MYO15B: variants seen among roughly 807,000 people sequenced by gnomAD.
MYO15B encodes myosin XVB pseudogene.
MYO15B carries 207 observed loss-of-function variants against 119.3 expected under a neutral mutation model. That is an observed-to-expected ratio of 1.73 (90% confidence interval 1.55 to 1.95). The LOEUF is 1.95. Among genes scored for constraint, MYO15B ranks in the 30% most tolerant of loss-of-function variants. MYO15B has a pLI of 0.00. For synonymous variants in MYO15B, 966 were observed against 498.9 expected, an observed-to-expected ratio of 1.94 and a Z score of -12.48; for missense variants, 2,264 against 1,203.1, an observed-to-expected ratio of 1.88 and a Z score of -13.04.
intron 56 of MYO15B, 43 bp from the exon 57 acceptor site, chr17:75,624,327 C>T: frequency 4.3e-6 from 3 of 702,852 alleles, no homozygotes; most frequent in South Asian, 3.0e-5. Flanking sequence ...GTGTCTCCTA[C>T]AGGAGACCAC....
chr17:75,611,560 C>T (rs994828136), intron 23 of MYO15B, 41 bp from the exon 24 acceptor site: 3 of 702,186 alleles, frequency 4.3e-6, no homozygotes, highest in East Asian at 2.7e-5. Flanking sequence ...GGTCCCTAGG[C>T]CCCTCCTGTG....
chr17:75,617,104 G>T (rs1226549918), exon 41 of MYO15B: 1 of 677,166 alleles, frequency 1.5e-6, no homozygotes, highest in East Asian at 2.7e-5. Flanking sequence ...CCCAGCCCAG[G>T]AAAGGGCCCC....
rs923031285 is a variant in MYO15B at position 75,624,762 on chromosome 17, C to T, written c.8543-9C>T. ...TCTGAGCAGCAGTGGACCTAGGCTCCCCATGCAGGCCAGCTGGTGCGGCCC... is the reference window on the plus strand; with the variant it reads ...TCTGAGCAGCAGTGGACCTAGGCTCTCCATGCAGGCCAGCTGGTGCGGCCC... On this transcript the variant is annotated splice_polypyrimidine_tract_variant and intron_variant, in intron 58 of 63. Transcript: ENST00000645453. 6 of 702,664 alleles carry T rather than the reference C, an allele frequency of 8.5e-6. No homozygotes were observed. The highest frequency in any genetic ancestry group is 1.6e-5 in the Non-Finnish European group (6 of 384,906). 43.5% of individuals were successfully genotyped at this position (702,664 alleles called of 1,614,324 possible).
chr17:75,597,805 A>G (rs1178007085), intron 14 of MYO15B, among the ~76,000 whole-genome samples: 2 of 152,160 alleles, frequency 1.3e-5, no homozygotes, highest in Non-Finnish European at 2.9e-5. Flanking sequence ...AGTTAGAGCT[A>G]CTTGGGAGGC....
At chr17:75,616,034 C>T in intron 36 of MYO15B, 35 bp from the exon 37 acceptor site, 1 of 579,884 alleles carries the variant, frequency 1.7e-6, no homozygotes, top group Non-Finnish European at 3.1e-6. Flanking sequence ...GGCACCCAGG[C>T]TGGCTGAGCT....
chr17:75,622,352 G>A (rs951102229), intron 53 of MYO15B, among the ~76,000 whole-genome samples: 1 of 152,206 alleles, frequency 6.6e-6, no homozygotes, highest in African/African-American at 2.4e-5. Flanking sequence ...TGTGGCAGAA[G>A]CCTTCCTACA....
intron 44 of MYO15B, 66 bp from the exon 45 acceptor site, chr17:75,619,292 A>G: frequency 1.4e-6 from 1 of 702,448 alleles, no homozygotes; most frequent in South Asian, 1.5e-5. Context: ...AGGGAGCAGC[A>G]TGGGAGCAAA....
Position 75,602,971 on chromosome 17 carries a change from A to G in MYO15B, c.3845+26A>G, listed in dbSNP as rs200826287. 2,235 of 699,232 alleles carry G rather than the reference A, an allele frequency of 3.2e-3. 41 individuals carry two copies. The highest frequency in any genetic ancestry group is 0.024 in the South Asian group (1,623 of 67,098). The allele number at this position is 699,232 out of a possible 1,614,324, so 43.3% of individuals were successfully genotyped here. ...GTAAGAACAGCGCCCGCCACACCAG[A>G]CCCCAGGGAGTTGTATGGGGCTCCA... On this transcript the variant is annotated intron_variant, in intron 17 of 63. Coordinates refer to ENST00000645453, the Ensembl canonical transcript of MYO15B.
chr17:75,622,393 A>T (rs2043490277), intron 53 of MYO15B, among the ~76,000 whole-genome samples: 2 of 152,172 alleles, frequency 1.3e-5, no homozygotes, highest in African/African-American at 4.8e-5. Context: ...GGGGTGACAG[A>T]GAAGGGCAGG....
exon 42 of MYO15B, chr17:75,617,862 C>A: frequency 1.4e-6 from 1 of 702,928 alleles, no homozygotes; most frequent in South Asian, 1.5e-5. Context: ...TACTCGCGCC[C>A]TCTGGCAGCG....
exon 64 of MYO15B, chr17:75,626,838 C>T: frequency 2.4e-6 from 1 of 423,942 alleles, no homozygotes; most frequent in Non-Finnish European, 4.4e-6. Context: ...AAATAAAACT[C>T]CCTGGAGAAA....
intron 21 of MYO15B, among the ~76,000 whole-genome samples, chr17:75,607,533 C>G (rs2057735712): frequency 6.6e-6 from 1 of 151,748 alleles, no homozygotes; most frequent in African/African-American, 2.4e-5. Flanking sequence ...TCACTGCAAC[C>G]TCTGCCTGCC....
intron 30 of MYO15B, 51 bp downstream of exon 30, chr17:75,614,411 C>T: frequency 2.9e-6 from 2 of 689,544 alleles, no homozygotes; most frequent in Admixed American, 4.0e-5. Flanking sequence ...CCGGGGAACC[C>T]CACAGCCACC....
At chr17:75,588,279 CGGCGGCTGCAGACGCCCAGGGGCT>C (rs2056189552) in exon 1 of MYO15B, 3 of 398,286 alleles carry the variant, frequency 7.5e-6, no homozygotes, top group Non-Finnish European at 1.3e-5. Flanking sequence ...CAGAGGGGAA[CGGCGGCTGCAGACGCCCAGGGGCT>C]GGGCTGTCCC....
In MYO15B at chr17:75,589,295, AG is replaced by A. The variant is rs2056271176; in HGVS notation, c.1242del (p.Arg415GlyfsTer83). 1 of 368,284 alleles carries A rather than the reference AG, an allele frequency of 2.7e-6. No individual in the cohort carries two copies. Among genetic ancestry groups the A allele is most frequent in the Non-Finnish European group, 4.7e-6 (1 of 213,046 alleles). 22.8% of individuals were successfully genotyped at this position (368,284 alleles called of 1,614,324 possible). On this transcript the variant is annotated frameshift_variant, in exon 1 of 64. Transcript: ENST00000645453. LOFTEE classifies it high-confidence loss of function. This position sits in a 1 kb window ranked among gnomAD's most constrained non-coding sequence, Gnocchi z 4.2. ...GGGTGGGGCCGCCGGAAACCGGACG[AG>A]GGGCGGGGTCATGGGAGAGGAAGCA...
At chr17:75,626,056 A>G (rs544027324) in intron 62 of MYO15B, 32 bp from the exon 63 acceptor site, 12 of 699,224 alleles carry the variant, frequency 1.7e-5, no homozygotes, top group Admixed American at 1.6e-4. Context: ...CTCCCCGGAG[A>G]GGAGACCAGC....
intron 15 of MYO15B, chr17:75,602,292 A>T: frequency 1.5e-6 from 1 of 668,186 alleles, no homozygotes; most frequent in Non-Finnish European, 2.7e-6. Context: ...TTAAAGCCCC[A>T]GTGGGGAGAG....
chr17:75,608,474 G>GTCT (rs1440672231), intron 21 of MYO15B, among the ~76,000 whole-genome samples: 1 of 151,870 alleles, frequency 6.6e-6, no homozygotes, highest in East Asian at 2.0e-4. Context: ...TTGAGACAGA[G>GTCT]TCTTGCTATA....
intron 14 of MYO15B, among the ~76,000 whole-genome samples, chr17:75,598,392 C>A (rs2057011884): frequency 6.6e-6 from 1 of 151,630 alleles, no homozygotes; most frequent in Non-Finnish European, 1.5e-5. Flanking sequence ...TCCTGGCTAA[C>A]ATGGTGAAAC....
Sources: gnomAD v4.1 joint callset for allele counts (sites outside exome capture counted in the v4.1 genomes callset) on GRCh38, gnomAD v4.1.1 for gene constraint, Gnocchi (gnomAD v3.1) non-coding constraint, MANE v1.5 for transcripts, NCBI Gene and HGNC (gene_info 2026-07-23, HGNC 2026-07-21) for gene names.